The following SLC9D1 variants were observed in gnomAD, a reference collection of about 807,000 sequenced individuals.
SLC9D1 encodes the protein solute carrier family 9 member D1, also known as putative LAG1-interacting protein.
chr13:113,532,558 T>C, the SLC9D1 span, among the ~76,000 whole-genome samples: 1 of 152,028 alleles, frequency 6.6e-6, no homozygotes, highest in Admixed American at 6.5e-5. Flanking sequence ...AGGAGGCCAC[T>C]GGAGCTGTGG....
the SLC9D1 span, among the ~76,000 whole-genome samples, chr13:113,532,693 C>T: frequency 5.9e-5 from 9 of 152,122 alleles, no homozygotes; most frequent in Non-Finnish European, 1.0e-4. Flanking sequence ...AGTCTGTCTC[C>T]GTTCCTGCCA....
At chr13:113,525,151 C>T in the SLC9D1 span, among the ~76,000 whole-genome samples, 3 of 152,182 alleles carry the variant, frequency 2.0e-5, no homozygotes, top group Admixed American at 1.3e-4. Flanking sequence ...TAGCTCCCTC[C>T]CCCTGCCCAC....
the SLC9D1 span, chr13:113,549,470 G>A: frequency 5.4e-5 from 87 of 1,613,820 alleles, no homozygotes; most frequent in Non-Finnish European, 6.5e-5. Flanking sequence ...CCTCTTGCTC[G>A]CCCCGGTGCT....
chr13:113,545,343 T>A, the SLC9D1 span, among the ~76,000 whole-genome samples: 16 of 152,260 alleles, frequency 1.1e-4, no homozygotes, highest in East Asian at 3.1e-3. Context: ...GTGGAGCCGG[T>A]GGGGCCCAGG....
chr13:113,494,686 A>G, the SLC9D1 span, among the ~76,000 whole-genome samples: 1 of 152,106 alleles, frequency 6.6e-6, no homozygotes, highest in Non-Finnish European at 1.5e-5. Flanking sequence ...AATTCTTGAC[A>G]TCTTGGTAGC....
At chr13:113,510,746 G>A in the SLC9D1 span, among the ~76,000 whole-genome samples, 1 of 152,242 alleles carries the variant, frequency 6.6e-6, no homozygotes, top group Non-Finnish European at 1.5e-5. Flanking sequence ...GTGGATTTTA[G>A]GAAGTTGCGT....
the SLC9D1 span, chr13:113,535,164 G>A: frequency 2.8e-4 from 43 of 152,352 alleles, no homozygotes; most frequent in East Asian, 8.1e-3. This position sits in a 1 kb window ranked among gnomAD's most constrained non-coding sequence, Gnocchi z 4.1. Context: ...TTTTCAAATA[G>A]CTTTGCACCT....
the SLC9D1 span, among the ~76,000 whole-genome samples, chr13:113,506,346 A>C: frequency 7.5e-5 from 5 of 66,788 alleles, no homozygotes; most frequent in Admixed American, 7.6e-4. Context: ...AGGGGGTGTC[A>C]GCCAGTGGCT....
At chr13:113,520,598 A>G in the SLC9D1 span, 7 of 1,595,622 alleles carry the variant, frequency 4.4e-6, no homozygotes, top group African/African-American at 1.3e-5. Context: ...CCTGTCTTCA[A>G]TGCCTTTCCC....
the SLC9D1 span, chr13:113,529,872 A>G: frequency 5.9e-5 from 9 of 152,224 alleles, no homozygotes; most frequent in African/African-American, 9.6e-5. Context: ...GAAATGGTTA[A>G]CATGGTACAT....
At chr13:113,549,635 C>A in the SLC9D1 span, 2 of 1,421,094 alleles carry the variant, frequency 1.4e-6, no homozygotes, top group Non-Finnish European at 2.0e-6. Context: ...CGCACCTTGG[C>A]AACAGAACAG....
the SLC9D1 span, among the ~76,000 whole-genome samples, chr13:113,522,553 G>C: frequency 6.6e-6 from 1 of 152,134 alleles, no homozygotes; most frequent in African/African-American, 2.4e-5. Context: ...TGTTAGCCAG[G>C]ATGGTCTCGA....
At chr13:113,491,940 T>C in the SLC9D1 span, among the ~76,000 whole-genome samples, 1 of 152,258 alleles carries the variant, frequency 6.6e-6, no homozygotes, top group African/African-American at 2.4e-5. Context: ...AGGAGTGTCT[T>C]AATGATTGGA....
the SLC9D1 span, among the ~76,000 whole-genome samples, chr13:113,506,498 C>T: frequency 1.2e-4 from 18 of 152,172 alleles, no homozygotes; most frequent in African/African-American, 3.6e-4. Context: ...CAGTGTCCCA[C>T]GAGACTCCGT....
the SLC9D1 span, among the ~76,000 whole-genome samples, chr13:113,524,534 C>G: frequency 3.9e-5 from 6 of 152,086 alleles, no homozygotes; most frequent in Admixed American, 1.3e-4. Context: ...CAAGGTTTCG[C>G]CATGTTGGCC....
the SLC9D1 span, among the ~76,000 whole-genome samples, chr13:113,506,952 A>G: frequency 3.1e-5 from 3 of 96,728 alleles, no homozygotes; most frequent in African/African-American, 1.2e-4. Flanking sequence ...GGGCTTGGCA[A>G]GAGGCTGGCG....
At chr13:113,506,558 AGTGT>A in the SLC9D1 span, among the ~76,000 whole-genome samples, 5 of 109,776 alleles carry the variant, frequency 4.6e-5, no homozygotes, top group African/African-American at 2.2e-4. Context: ...TGTGTGTGTG[AGTGT>A]GTGTGTGTGT....
At chr13:113,531,336 C>G in the SLC9D1 span, among the ~76,000 whole-genome samples, 1 of 152,228 alleles carries the variant, frequency 6.6e-6, no homozygotes, top group Admixed American at 6.5e-5. Context: ...CTCACCTGTC[C>G]GCAGGTCAGA....
chr13:113,526,751 G>A, the SLC9D1 span, among the ~76,000 whole-genome samples: 4 of 152,320 alleles, frequency 2.6e-5, no homozygotes, highest in African/African-American at 9.6e-5. Context: ...CAGCGCCTGT[G>A]GCGTCTGCCG....
Sources: gnomAD v4.1 joint callset for allele counts (sites outside exome capture counted in the v4.1 genomes callset) on GRCh38, gnomAD v4.1.1 for gene constraint, Gnocchi (gnomAD v3.1) non-coding constraint, MANE v1.5 for transcripts, NCBI Gene and HGNC (gene_info 2026-07-23, HGNC 2026-07-21) for gene names.